DENND1B: variants seen among roughly 807,000 people sequenced by gnomAD.
The protein encoded by DENND1B is DENN domain-containing protein 1B.
DENND1B carries 59 observed loss-of-function variants against 90.1 expected under a neutral mutation model. The ratio of observed to expected loss-of-function variants is 0.65; its 90% CI spans 0.53 to 0.81. The LOEUF (loss-of-function observed/expected upper bound fraction) is 0.81. Among genes scored for constraint, DENND1B ranks in the 40% least tolerant of loss-of-function variants. The pLI, the probability that DENND1B is intolerant of heterozygous loss-of-function variation, is 0.00. For synonymous variants in DENND1B, 337 were observed against 324.6 expected, an observed-to-expected ratio of 1.04 and a Z score of -0.41; for missense variants, 862 against 912.6, an observed-to-expected ratio of 0.94 and a Z score of 0.71.
chr1:197,512,974 T>C (rs1216879371), intron 20 of DENND1B, 21 bp from the exon 21 acceptor site: 4 of 1,593,010 alleles, frequency 2.5e-6, no homozygotes, highest in Non-Finnish European at 3.4e-6. Context: ...AGATTGACAA[T>C]AAATTGGCAT....
At chr1:197,700,113 T>C (rs1291635711) in intron 3 of DENND1B, among the ~76,000 whole-genome samples, 1 of 152,150 alleles carries the variant, frequency 6.6e-6, no homozygotes, top group East Asian at 1.9e-4. Context: ...AAAACTATTT[T>C]AAATTTCATA....
intron 2 of DENND1B, among the ~76,000 whole-genome samples, chr1:197,749,841 GTTGTTTGT>G (rs960115888): frequency 6.6e-6 from 1 of 151,568 alleles, no homozygotes; most frequent in South Asian, 2.1e-4. Flanking sequence ...TTTTTTTGTT[GTTGTTTGT>G]TTGTTTGTTT....
chr1:197,546,029 T>C (rs761796993), intron 17 of DENND1B, 39 bp from the exon 18 acceptor site: 5 of 1,534,950 alleles, frequency 3.3e-6, no homozygotes, highest in African/African-American at 1.4e-5. Flanking sequence ...CAAAAACTTT[T>C]AGCTAAAATA....
chr1:197,583,853 C>T (rs1248317271), intron 14 of DENND1B, among the ~76,000 whole-genome samples: 3 of 152,164 alleles, frequency 2.0e-5, no homozygotes, highest in Admixed American at 2.0e-4. Context: ...TCCTCCAAAC[C>T]AGCAAGGACT....
At chr1:197,702,760 G>A (rs1411127371) in intron 3 of DENND1B, among the ~76,000 whole-genome samples, 1 of 152,126 alleles carries the variant, frequency 6.6e-6, no homozygotes, top group Non-Finnish European at 1.5e-5. Context: ...GCTTGTGTAT[G>A]ACTGAAAGTT....
rs1455064665 is a variant in DENND1B, at chr1:197,583,274, T to C, written c.1048-21A>G. The C allele has an allele frequency of 1.9e-6, 3 of 1,609,064 alleles. No individual in the cohort carries two copies. In the African/African-American group the frequency reaches 4.0e-5, roughly 22 times the overall value. On this transcript the variant is annotated intron_variant, in intron 14 of 22. Coordinates refer to ENST00000620048, the MANE Select transcript of DENND1B (RefSeq NM_001195215.2). ...TCACCCTAGATAGAAATAAAGATTT[T>C]AAGGGCATCAATAAAAGGTTAGTCA... is the stretch of plus-strand genomic sequence containing the variant.
intron 2 of DENND1B, among the ~76,000 whole-genome samples, chr1:197,770,313 T>C (rs1010004616): frequency 2.0e-5 from 3 of 152,042 alleles, no homozygotes; most frequent in Admixed American, 1.3e-4. Flanking sequence ...TTCTAAAAAG[T>C]AGTGATTTAA....
At chr1:197,737,282 T>C (rs1232376180) in intron 2 of DENND1B, among the ~76,000 whole-genome samples, 2 of 152,172 alleles carry the variant, frequency 1.3e-5, no homozygotes, top group African/African-American at 2.4e-5. Context: ...CTTTAGACAA[T>C]GGCTTCAAAC....
At chr1:197,688,175 C>T (rs927193668) in intron 3 of DENND1B, among the ~76,000 whole-genome samples, 12 of 151,904 alleles carry the variant, frequency 7.9e-5, no homozygotes, top group Non-Finnish European at 1.5e-4. Flanking sequence ...TTAAGAGACA[C>T]AAATAAATAA....
chr1:197,591,058 C>T (rs931845293), intron 14 of DENND1B, among the ~76,000 whole-genome samples: 5 of 152,124 alleles, frequency 3.3e-5, no homozygotes, highest in African/African-American at 4.8e-5. Context: ...TCTATAGGAG[C>T]GAATCCTAAC....
At chr1:197,579,980 C>T (rs954028988) in intron 15 of DENND1B, among the ~76,000 whole-genome samples, 2 of 151,606 alleles carry the variant, frequency 1.3e-5, no homozygotes, top group African/African-American at 2.4e-5. Context: ...CTGATAATTC[C>T]AATACTTAAA....
intron 12 of DENND1B, among the ~76,000 whole-genome samples, chr1:197,608,229 C>G (rs1676866511): frequency 1.3e-5 from 2 of 150,526 alleles, no homozygotes; most frequent in African/African-American, 4.9e-5. Context: ...CAAATCTCTG[C>G]ATATTAGAAT....
chr1:197,551,485 A>G (rs1401896666), intron 16 of DENND1B, among the ~76,000 whole-genome samples: 1 of 152,080 alleles, frequency 6.6e-6, no homozygotes, highest in African/African-American at 2.4e-5. Flanking sequence ...ACTTATCGGT[A>G]ATCATATTCT....
In DENND1B at chr1:197,596,178, G is replaced by T. The variant is rs541673889; in HGVS notation, c.922-845C>A. ...CCTAAAAATGTGCATAATTTTAAAA[G>T]ATATTTAAGTTTGTTTTAATTTTTC... On this transcript the variant is annotated intron_variant, in intron 13 of 22. Coordinates refer to ENST00000620048, the MANE Select transcript of DENND1B (RefSeq NM_001195215.2). Among the ~76,000 whole-genome samples, 6 of 152,016 alleles carry T rather than the reference G, an allele frequency of 3.9e-5. No homozygotes were observed. In the South Asian group the frequency reaches 6.2e-4, roughly 16 times the overall value.
intron 2 of DENND1B, among the ~76,000 whole-genome samples, chr1:197,754,965 G>C (rs986222498): frequency 6.6e-6 from 1 of 151,906 alleles, no homozygotes; most frequent in Non-Finnish European, 1.5e-5. Flanking sequence ...AAACATAAAG[G>C]CATTTACACT....
At chr1:197,520,162 T>C (rs1668672661) in intron 20 of DENND1B, among the ~76,000 whole-genome samples, 1 of 151,960 alleles carries the variant, frequency 6.6e-6, no homozygotes, top group South Asian at 2.1e-4. Context: ...AGTAGCTGTA[T>C]CTCATTTTTC....
Position 197,656,837 on chromosome 1 carries a change from G to A in DENND1B, c.366+1463C>T, listed in dbSNP as rs2125948225. ...ATTTAAAAAAAAAATCAAAGATTAA[G>A]GGAAAAAAAAATTAAAATCATTATC... On this transcript the variant is annotated intron_variant, in intron 6 of 22. Transcript: ENST00000620048. Among the ~76,000 whole-genome samples the A allele has an allele frequency of 2.0e-5, 3 of 149,992 alleles. No homozygotes were observed. In the East Asian group the frequency reaches 5.8e-4, roughly 29 times the overall value.
chr1:197,643,492 C>G (rs1680461151), intron 9 of DENND1B, among the ~76,000 whole-genome samples: 1 of 152,008 alleles, frequency 6.6e-6, no homozygotes, highest in Admixed American at 6.6e-5. Context: ...TCTGGTGATT[C>G]TTATATACAC....
chr1:197,702,211 T>C (rs1659107849), intron 3 of DENND1B, among the ~76,000 whole-genome samples: 1 of 152,132 alleles, frequency 6.6e-6, no homozygotes, highest in Admixed American at 6.5e-5. Flanking sequence ...AAAATAATTA[T>C]TAGAGGATTC....
Sources: gnomAD v4.1 joint callset for allele counts (sites outside exome capture counted in the v4.1 genomes callset) on GRCh38, gnomAD v4.1.1 for gene constraint, MANE v1.5 for transcripts, NCBI Gene and HGNC (gene_info 2026-07-23, HGNC 2026-07-21) for gene names.